HERC1: variants seen among roughly 807,000 people sequenced by gnomAD.
The protein encoded by HERC1 is HECT and RLD domain containing E3 ubiquitin protein ligase family member 1, also known as probable E3 ubiquitin-protein ligase HERC1.
A neutral mutation model predicts 554.3 loss-of-function variants in HERC1; 160 were observed. The observed-to-expected ratio is 0.29, with a 90% CI of 0.25 to 0.33. HERC1 has a LOEUF of 0.33. Among genes scored for constraint, HERC1 ranks in the 10% least tolerant of loss-of-function variants. The probability of loss-of-function intolerance (pLI) is 1.00; values close to 1 mark genes in which losing one functional copy is unlikely to be tolerated. For synonymous variants in HERC1, 2,175 were observed against 2,131.7 expected, an observed-to-expected ratio of 1.02 and a Z score of -0.56; for missense variants, 4,919 against 5,918.5, an observed-to-expected ratio of 0.83 and a Z score of 5.54.
intron 2 of HERC1, among the ~76,000 whole-genome samples, chr15:63,764,564 G>A (rs114797708): frequency 0.012 from 1,884 of 152,212 alleles, 39 homozygotes; most frequent in African/African-American, 0.044. Context: ...TGGGTATATT[G>A]CCCACCTGCC....
chr15:63,693,837 G>T, intron 30 of HERC1, 127 bp downstream of exon 30: 1 of 978,894 alleles, frequency 1.0e-6, no homozygotes, highest in Non-Finnish European at 1.5e-6. Context: ...AAAGAGGTTT[G>T]TAAATAAACA....
At position 63,697,748 on chromosome 15, in the gene HERC1, C is replaced by T. The variant is rs527912436; in HGVS notation, c.4905+980G>A. ...GGGATTACAGGAGTGAGCCACCGCG[C>T]CCGGCCAATCTTAATCATTTAGTTA... On this transcript the variant is annotated intron_variant, in intron 26 of 77. Transcript: ENST00000443617. Among the ~76,000 whole-genome samples the T allele has an allele frequency of 2.6e-5, 4 of 152,276 alleles. No individual in the cohort carries two copies. In the East Asian group the frequency reaches 7.7e-4, roughly 29 times the overall value.
At chr15:63,611,312 G>A (rs1011283779) in intron 77 of HERC1, among the ~76,000 whole-genome samples, 1 of 152,158 alleles carries the variant, frequency 6.6e-6, no homozygotes, top group Non-Finnish European at 1.5e-5. Context: ...CAACAAAGGG[G>A]GTCTCTGAAA....
chr15:63,754,535 T>G lies in HERC1; in HGVS notation c.1744A>C (p.Thr582Pro). 1 of 1,612,112 alleles carries G rather than the reference T, an allele frequency of 6.2e-7. No homozygotes were observed. Among genetic ancestry groups the G allele is most frequent in the Non-Finnish European group, 8.5e-7 (1 of 1,178,954 alleles). ...TCTCCTCCTCCAAAAGACCATACAG[T>G]TCTCCCATCTTTAGACAGAGCAATA... is the stretch of plus-strand genomic sequence containing the variant. The part of the protein sequence containing the change: ...HTIALSKDGR[T>P]VWSFGGGDNG... Residue 582 changes from threonine to proline, a missense_variant, in exon 7 of 78, where the codon ACT becomes CCT. By Grantham distance (38) the Thr-to-Pro change is conservative. Transcript: ENST00000443617.
chr15:63,632,195 G>A (rs2068591498), intron 68 of HERC1: 1 of 157,444 alleles, frequency 6.4e-6, no homozygotes, highest in Non-Finnish European at 1.4e-5. Context: ...CTTCAGTCAT[G>A]GTTTACTTCC....
intron 1 of HERC1, among the ~76,000 whole-genome samples, chr15:63,812,363 G>A (rs971480920): frequency 1.3e-5 from 2 of 152,208 alleles, no homozygotes; most frequent in African/African-American, 4.8e-5. Context: ...ATTGTAACAT[G>A]ACTGGAGGTA....
chr15:63,616,307 A>G (rs755487418), intron 75 of HERC1, 123 bp downstream of exon 75: 1 of 1,027,692 alleles, frequency 9.7e-7, no homozygotes, highest in Non-Finnish European at 1.4e-6. Flanking sequence ...GCAATGGCAT[A>G]GATATGGCAT....
At position 63,798,376 on chromosome 15, in the gene HERC1, A is replaced by C. The variant is rs150851093; in HGVS notation, c.-26-22727T>G. Among the ~76,000 whole-genome samples, 48 of 152,282 alleles carry C rather than the reference A, an allele frequency of 3.2e-4. No homozygotes were observed. In the Middle Eastern group the frequency reaches 0.01, roughly 32 times the overall value. The stretch of plus-strand genomic sequence containing the variant: ...ACTGCCTCTTTACAATCAGGAATTA[A>C]AGTGTTTTCCAGGTAATTTTCTTCT... On this transcript the variant is annotated intron_variant, in intron 1 of 77. Coordinates refer to ENST00000443617, the MANE Select transcript of HERC1 (RefSeq NM_003922.4).
At chr15:63,679,636 T>G (rs2071379219) in intron 36 of HERC1, among the ~76,000 whole-genome samples, 1 of 152,214 alleles carries the variant, frequency 6.6e-6, no homozygotes, top group Non-Finnish European at 1.5e-5. Flanking sequence ...TTAATACTGT[T>G]GTCATGAAGT....
rs189168131 is a variant in HERC1 at position 63,629,013 on chromosome 15, C to A, written c.12967-198G>T. 7.8e-3 allele frequency among the ~76,000 whole-genome samples: 1,179 copies of A among 150,678 alleles called. 10 individuals carry two copies. The highest frequency in any genetic ancestry group is 0.012 in the Non-Finnish European group (785 of 67,820). On this transcript the variant is annotated intron_variant, in intron 69 of 77. Transcript: ENST00000443617. ...TTGTCCAGGCTGGAGTGCAGTGGCACAATCTCAGCTCACTGCAAGCTCTGC... is the reference window on the plus strand; with the variant it reads ...TTGTCCAGGCTGGAGTGCAGTGGCAAAATCTCAGCTCACTGCAAGCTCTGC...
chr15:63,634,672 C>A (rs74018159), intron 66 of HERC1, 61 bp downstream of exon 66: 5 of 1,445,942 alleles, frequency 3.5e-6, no homozygotes, highest in Middle Eastern at 1.8e-4. Context: ...GGTGTCTAAG[C>A]GAACACAGAA....
At chr15:63,730,764 TAGAG>T (rs1184823056) in intron 14 of HERC1, among the ~76,000 whole-genome samples, 1 of 152,170 alleles carries the variant, frequency 6.6e-6, no homozygotes, top group Non-Finnish European at 1.5e-5. Context: ...TCAAATGATT[TAGAG>T]AGAGAGAACA....
rs1280780199 is a variant in HERC1, at chr15:63,654,403, T to C, written c.10085-79A>G. 2.7e-6 allele frequency: 3 copies of C among 1,105,336 alleles called. No individual in the cohort carries two copies. The East Asian group carries it at 7.7e-5, about 29-fold the overall frequency. 68.5% of individuals were successfully genotyped at this position (1,105,336 alleles called of 1,614,324 possible). ...GCTTAAACAAAACATGAAATGATGC[T>C]CAGGTGAGATTTGGTGGTGGTGAAC... On this transcript the variant is annotated intron_variant, in intron 50 of 77. Transcript: ENST00000443617.
In HERC1 at chr15:63,609,274, G is replaced by A. The variant is rs1473001693; in HGVS notation, c.14401-8C>T. The A allele has an allele frequency of 1.2e-6, 2 of 1,601,308 alleles. No individual in the cohort carries two copies. The stretch of plus-strand genomic sequence containing the variant: ...AGGCAGACTGTCGTAAGGCTGTGGA[G>A]AGAGACCCAGAGCCGTGACTGGGGA... On this transcript the variant is annotated splice_polypyrimidine_tract_variant and splice_region_variant and intron_variant, in intron 77 of 77. Coordinates refer to ENST00000443617, the MANE Select transcript of HERC1 (RefSeq NM_003922.4).
intron 24 of HERC1, among the ~76,000 whole-genome samples, chr15:63,708,770 T>C (rs1040213789): frequency 2.0e-5 from 3 of 152,210 alleles, no homozygotes; most frequent in Non-Finnish European, 2.9e-5. Context: ...TAATCTTAAA[T>C]AACCTCATAT....
At chr15:63,698,540 C>T (rs2072553837) in intron 26 of HERC1, among the ~76,000 whole-genome samples, 188 bp downstream of exon 26, 2 of 151,776 alleles carry the variant, frequency 1.3e-5, no homozygotes, top group African/African-American at 4.8e-5. Flanking sequence ...TTTTAAAATG[C>T]ACTTTTGTCT....
Position 63,630,529 on chromosome 15 carries a change from T to C in HERC1, c.12903A>G (p.Glu4301=). The change falls in exon 69 of 78, where the codon GAA becomes GAG. Residue 4301 remains glutamate, a synonymous_variant. Transcript: ENST00000443617. ...CATTTGATGCCAAAGCAAGTGTGTGTTCAGCTCCAACTGCCACATCTTCTA... is the reference window on the plus strand; with the variant it reads ...CATTTGATGCCAAAGCAAGTGTGTGCTCAGCTCCAACTGCCACATCTTCTA... ...VIIEDVAVGA[E]HTLALASNGD... 1.9e-6 allele frequency: 3 copies of C among 1,614,030 alleles called. No homozygotes were observed. The highest frequency in any genetic ancestry group is 2.2e-5 in the South Asian group (2 of 91,086).
At chr15:63,819,810 C>A (rs1288841339) in intron 1 of HERC1, among the ~76,000 whole-genome samples, 1 of 152,142 alleles carries the variant, frequency 6.6e-6, no homozygotes, top group Non-Finnish European at 1.5e-5. Flanking sequence ...TAGTCTCCAC[C>A]AACATTTTTT....
intron 76 of HERC1, 89 bp downstream of exon 76, chr15:63,615,679 A>G (rs1451375641): frequency 2.1e-6 from 2 of 935,070 alleles, no homozygotes; most frequent in Admixed American, 3.0e-5. Context: ...CAGTAAATAC[A>G]TATTAGCAGA....
Sources: gnomAD v4.1 joint callset for allele counts (sites outside exome capture counted in the v4.1 genomes callset) on GRCh38, gnomAD v4.1.1 for gene constraint, MANE v1.5 for transcripts, NCBI Gene and HGNC (gene_info 2026-07-23, HGNC 2026-07-21) for gene names.